RAB40B: variants seen among roughly 807,000 people sequenced by gnomAD.
RAB40B encodes RAB40B, member RAS oncogene family, also known as ras-related protein Rab-40B.
A neutral mutation model predicts 24.0 loss-of-function variants in RAB40B; 21 were observed. The observed-to-expected ratio is 0.88, with a 90% CI of 0.62 to 1.26. The LOEUF (loss-of-function observed/expected upper bound fraction) is 1.26. Among genes scored for constraint, RAB40B ranks in the 50% most tolerant of loss-of-function variants. The pLI is 0.00. For missense variants in RAB40B, 348 were observed against 390.5 expected (o/e 0.89, Z 0.92); for synonymous variants, 167 against 169.8 (o/e 0.98, Z 0.13).
At position 82,656,317 on chromosome 17, in the gene RAB40B, CG is replaced by C. The variant is rs1169219219; in HGVS notation, c.*1545del. Reference sequence around the variant, plus strand: ...GGAACATCTGGGTATTTTCTCGCTTCGTTTTTTTGGTTTAGTCCCTCATTTG... The same window carrying C: ...GGAACATCTGGGTATTTTCTCGCTTCTTTTTTTGGTTTAGTCCCTCATTTG... On this transcript the variant is annotated 3_prime_UTR_variant, in exon 6 of 6. Coordinates refer to ENST00000571995, the MANE Select transcript of RAB40B (RefSeq NM_006822.3). The C allele has an allele frequency of 6.6e-6, 1 of 152,122 alleles. No homozygotes were observed. The highest frequency in any genetic ancestry group is 1.5e-5 in the Non-Finnish European group (1 of 68,044). 9.4% of individuals were successfully genotyped at this position (152,122 alleles called of 1,614,324 possible).
chr17:82,674,132 G>A (rs2046369434), intron 1 of RAB40B, among the ~76,000 whole-genome samples: 1 of 151,848 alleles, frequency 6.6e-6, no homozygotes, highest in Non-Finnish European at 1.5e-5. Context: ...CCTGAGGTCA[G>A]GAGTTTGAGA....
At chr17:82,664,417 G>A (rs984824163) in intron 2 of RAB40B, 79 bp downstream of exon 2, 14 of 1,432,654 alleles carry the variant, frequency 9.8e-6, no homozygotes, top group South Asian at 2.4e-5. Flanking sequence ...CCGGGGCACT[G>A]TGCTGACAGG....
At chr17:82,665,904 A>AC (rs2046249972) in intron 1 of RAB40B, among the ~76,000 whole-genome samples, 3 of 151,116 alleles carry the variant, frequency 2.0e-5, no homozygotes, top group South Asian at 2.1e-4. Context: ...AAAAAAAAAA[A>AC]AAAAAAAAAA....
rs2046088624 is a variant in RAB40B at position 82,656,654 on chromosome 17, G to A, written c.*1209C>T. On this transcript the variant is annotated 3_prime_UTR_variant, in exon 6 of 6. Coordinates refer to ENST00000571995, the MANE Select transcript of RAB40B (RefSeq NM_006822.3). The stretch of plus-strand genomic sequence containing the variant: ...GATTCAGCCTTGTTGCCAGTGTCGT[G>A]TATTAGCTCCGATATGTGATGTCTA... The A allele has an allele frequency of 6.6e-6, 1 of 152,234 alleles. No individual in the cohort carries two copies. The highest frequency in any genetic ancestry group is 2.4e-5 in the African/African-American group (1 of 41,446). The allele number at this position is 152,234 out of a possible 1,614,324, so 9.4% of individuals were successfully genotyped here. A position where few individuals can be genotyped will look rare whatever the true frequency, so the allele number is the denominator to read the frequency against.
chr17:82,698,384 CCCCCTCCCCAGCCCCGCG>C (rs1180590012), intron 1 of RAB40B, 53 bp downstream of exon 1: 10 of 264,998 alleles, frequency 3.8e-5, no homozygotes, highest in Non-Finnish European at 2.6e-5. Context: ...CCCACCCGCA[CCCCCTCCCCAGCCCCGCG>C]CCCCTCCCCG....
rs933289833 is a variant in RAB40B, at chr17:82,697,632, C to T, written c.142+823G>A. ...CGCGTGGGTGAAGGCCCCGCCTGCT[C>T]CTCACTCCCAGCCGAGGTGTTCGCC... is the stretch of plus-strand genomic sequence containing the variant. On this transcript the variant is annotated intron_variant, in intron 1 of 5. Coordinates refer to ENST00000571995, the MANE Select transcript of RAB40B (RefSeq NM_006822.3). This position sits in a 1 kb window ranked among gnomAD's most constrained non-coding sequence, Gnocchi z 4.9. Among the ~76,000 whole-genome samples, 1 of 152,228 alleles carries T rather than the reference C, an allele frequency of 6.6e-6. No homozygotes were observed. Among genetic ancestry groups the T allele is most frequent in the South Asian group, 2.1e-4 (1 of 4,836 alleles).
At position 82,662,728 on chromosome 17, in the gene RAB40B, C is replaced by T. The variant is rs1049222037; in HGVS notation, c.204-1681G>A. 9 of 985,192 alleles carry T rather than the reference C, an allele frequency of 9.1e-6. No individual in the cohort carries two copies. The African/African-American group carries it at 1.6e-4, about 17-fold the overall frequency. The allele number at this position is 985,192 out of a possible 1,614,324, so 61.0% of individuals were successfully genotyped here. Reference sequence around the variant, plus strand: ...GGGGATTCTGAGCTTGGCAGAAGCCCCCTGGGATCTCACTCCTGAGGTGAG... The same window carrying T: ...GGGGATTCTGAGCTTGGCAGAAGCCTCCTGGGATCTCACTCCTGAGGTGAG... On this transcript the variant is annotated intron_variant, in intron 2 of 5. Coordinates refer to ENST00000571995, the MANE Select transcript of RAB40B (RefSeq NM_006822.3).
chr17:82,690,649 C>T lies in RAB40B; in HGVS notation c.142+7806G>A, dbSNP rs185970919. Among the ~76,000 whole-genome samples, 81 of 137,278 alleles carry T rather than the reference C, an allele frequency of 5.9e-4. 1 individual carries two copies. Among genetic ancestry groups the T allele is most frequent in the African/African-American group, 2.0e-3 (71 of 35,926 alleles). The allele number at this position is 137,278 out of a possible 152,430, so 90.1% of individuals were successfully genotyped here. A position where few individuals can be genotyped will look rare whatever the true frequency, so the allele number is the denominator to read the frequency against. ...GGAGCATGGAGTGTGCACATGTGTTCCCGGGGAGCAGAGAGTGTGCACGTG... is the reference window on the plus strand; with the variant it reads ...GGAGCATGGAGTGTGCACATGTGTTTCCGGGGAGCAGAGAGTGTGCACGTG... On this transcript the variant is annotated intron_variant, in intron 1 of 5. Coordinates refer to ENST00000571995, the MANE Select transcript of RAB40B (RefSeq NM_006822.3).
intron 1 of RAB40B, among the ~76,000 whole-genome samples, chr17:82,690,348 G>A (rs2046543611): frequency 6.6e-6 from 1 of 151,206 alleles, no homozygotes; most frequent in South Asian, 2.1e-4. Flanking sequence ...CAGAGAGTGT[G>A]TACGTGTGTC....
chr17:82,664,474 C>T, intron 2 of RAB40B, 22 bp downstream of exon 2: 1 of 1,610,424 alleles, frequency 6.2e-7, no homozygotes, highest in Middle Eastern at 1.9e-4. Flanking sequence ...GTGCGGGACG[C>T]TCGCACCTCC....
intron 3 of RAB40B, 119 bp from the exon 4 acceptor site, chr17:82,659,776 TTTTGA>T: frequency 1.3e-6 from 1 of 767,444 alleles, no homozygotes; most frequent in Non-Finnish European, 2.2e-6. Context: ...AAGTACATAA[TTTTGA>T]TTTATCAACT....
intron 4 of RAB40B, 133 bp downstream of exon 4, chr17:82,659,447 C>T: frequency 1.3e-6 from 1 of 775,130 alleles, no homozygotes; most frequent in South Asian, 1.7e-5. Flanking sequence ...CTCCTTCCTG[C>T]TGGAGCGCCA....
At chr17:82,662,692 C>T in intron 2 of RAB40B, 1 of 985,232 alleles carries the variant, frequency 1.0e-6, no homozygotes, top group Non-Finnish European at 1.2e-6. Context: ...CAGGGTCCTG[C>T]TGGGGCCTGG....
chr17:82,664,266 T>G (rs1598297693), intron 2 of RAB40B, among the ~76,000 whole-genome samples: 7 of 67,442 alleles, frequency 1.0e-4, no homozygotes, highest in Admixed American at 5.6e-4. Context: ...GGGCCGATGG[T>G]GGTGGGGGGA....
In RAB40B at chr17:82,658,673, A is replaced by G; in HGVS notation, c.383T>C (p.Leu128Pro). The G allele has an allele frequency of 6.2e-7, 1 of 1,613,060 alleles. No individual in the cohort carries two copies. The highest frequency in any genetic ancestry group is 8.5e-7 in the Non-Finnish European group (1 of 1,179,764). Residue 128 changes from leucine to proline, a missense_variant, in exon 5 of 6, where the codon CTG becomes CCG. By Grantham distance (98) the Leu-to-Pro change is moderately conservative. Transcript: ENST00000571995. ...GVPKILVGNR[L>P]HLAFKRQVPT... ...CACCTGCCGCTTGAACGCCAGGTGC[A>G]GGCGGTTCCCCACCAGGATCTTGGG... is the stretch of plus-strand genomic sequence containing the variant.
intron 1 of RAB40B, among the ~76,000 whole-genome samples, chr17:82,686,661 G>A (rs766732740): frequency 7.9e-5 from 12 of 152,228 alleles, no homozygotes; most frequent in Non-Finnish European, 1.6e-4. Context: ...AGCCTGCCAA[G>A]GGAGCGTGGC....
At chr17:82,662,369 A>G in intron 2 of RAB40B, 9 of 985,476 alleles carry the variant, frequency 9.1e-6, no homozygotes, top group Non-Finnish European at 1.1e-5. Context: ...CCAGCTTCGC[A>G]GGGAGGCCGA....
intron 1 of RAB40B, among the ~76,000 whole-genome samples, chr17:82,689,184 T>C (rs1159341073): frequency 6.6e-6 from 1 of 152,236 alleles, no homozygotes; most frequent in Non-Finnish European, 1.5e-5. Flanking sequence ...TCACTCCAAA[T>C]GCACCCAGCG....
In RAB40B at chr17:82,698,557, G is replaced by A; in HGVS notation, c.40C>T (p.Leu14=). Residue 14 remains leucine, a synonymous_variant, in exon 1 of 6, where the codon CTG becomes TTG. Coordinates refer to ENST00000571995, the MANE Select transcript of RAB40B (RefSeq NM_006822.3). ...TCGCCCACCAGCAGGAACTTGAGCA[G>A]AAAGTCGTAGGCCCGGACCGGGCTG... The part of the protein sequence containing the change: ...LGSPVRAYDF[L]LKFLLVGDSD... 2 of 1,521,426 alleles carry A rather than the reference G, an allele frequency of 1.3e-6. No homozygotes were observed. Among genetic ancestry groups the A allele is most frequent in the Non-Finnish European group, 1.8e-6 (2 of 1,128,820 alleles). The allele number at this position is 1,521,426 out of a possible 1,614,324, so 94.2% of individuals were successfully genotyped here. A position where few individuals can be genotyped will look rare whatever the true frequency, so the allele number is the denominator to read the frequency against.
Sources: allele counts gnomAD v4.1 joint callset (sites outside exome capture counted in the v4.1 genomes callset), GRCh38; gene constraint gnomAD v4.1.1; non-coding constraint Gnocchi (gnomAD v3.1); transcripts MANE v1.5; gene names NCBI Gene and HGNC (gene_info 2026-07-23, HGNC 2026-07-21).